KCNJ6: variants seen among roughly 807,000 people sequenced by gnomAD.
KCNJ6 encodes potassium inwardly rectifying channel subfamily J member 6.
A neutral mutation model predicts 34.2 loss-of-function variants in KCNJ6; 9 were observed. That is an observed-to-expected ratio of 0.26 (90% CI 0.16 to 0.46). KCNJ6 has a LOEUF of 0.46. Ranked by LOEUF, KCNJ6 falls within the 20% of genes least tolerant of loss-of-function variation. The pLI is 1.00. For synonymous variants in KCNJ6, 196 were observed against 207.1 expected (o/e 0.95, Z 0.46); for missense variants, 236 against 531.3 (o/e 0.44, Z 5.46).
At chr21:37,719,945 C>T (rs764001977) in intron 2 of KCNJ6, among the ~76,000 whole-genome samples, 87 of 152,138 alleles carry the variant, frequency 5.7e-4, no homozygotes, top group Non-Finnish European at 1.1e-3. Context: ...GGTGAAACTT[C>T]CAGTATCCAA....
At chr21:37,830,903 G>C (rs897986177) in intron 2 of KCNJ6, among the ~76,000 whole-genome samples, 2 of 152,242 alleles carry the variant, frequency 1.3e-5, no homozygotes, top group Non-Finnish European at 2.9e-5. Flanking sequence ...GATATGGCAA[G>C]GGAGGGAATT....
At chr21:37,862,580 T>C (rs538226366) in intron 1 of KCNJ6, among the ~76,000 whole-genome samples, 1 of 152,344 alleles carries the variant, frequency 6.6e-6, no homozygotes, top group Admixed American at 6.5e-5. Context: ...CTTGCTTCTA[T>C]CTGGGCAGCC....
rs974959212 is a variant in KCNJ6, at chr21:37,761,359, AGT to A, written c.26-46230_26-46229del. ...GTGTGTATATTTGTGTGTTGTATGT[AGT>A]GTGTGTGTATATTTGTGTGTGTTGT... is the stretch of plus-strand genomic sequence containing the variant. On this transcript the variant is annotated intron_variant, in intron 2 of 3. Transcript: ENST00000609713. 1.2e-4 allele frequency among the ~76,000 whole-genome samples: 17 copies of A among 143,416 alleles called. No individual in the cohort carries two copies. The South Asian group carries it at 1.6e-3, about 13-fold the overall frequency. 94.1% of individuals were successfully genotyped at this position (143,416 alleles called of 152,430 possible). A position where few individuals can be genotyped will look rare whatever the true frequency, so the allele number is the denominator to read the frequency against.
intron 3 of KCNJ6, among the ~76,000 whole-genome samples, chr21:37,638,266 C>T (rs2054366557): frequency 6.6e-6 from 1 of 152,184 alleles, no homozygotes; most frequent in African/African-American, 2.4e-5. Context: ...CCTGCCTCAG[C>T]CTCCCAAGTA....
chr21:37,651,203 A>T (rs1262125616), intron 3 of KCNJ6, among the ~76,000 whole-genome samples: 1 of 152,206 alleles, frequency 6.6e-6, no homozygotes, highest in Non-Finnish European at 1.5e-5. Flanking sequence ...GGGTGGACAG[A>T]GAAGGGTATC....
Position 37,829,740 on chromosome 21 carries a change from C to A in KCNJ6, c.25+10918G>T, listed in dbSNP as rs559347207. 2.2e-3 allele frequency among the ~76,000 whole-genome samples: 329 copies of A among 152,262 alleles called. 3 individuals carry two copies. The highest frequency in any genetic ancestry group is 2.4e-3 in the Non-Finnish European group (163 of 68,020). On this transcript the variant is annotated intron_variant, in intron 2 of 3. Transcript: ENST00000609713. Reference sequence around the variant, plus strand: ...AGGCCAAAGTCCCTGTGAACCCATGCGAGAGAGGAAGACACTGGAGTGAAA... The same window carrying A: ...AGGCCAAAGTCCCTGTGAACCCATGAGAGAGAGGAAGACACTGGAGTGAAA...
chr21:37,885,062 G>C (rs919397346), intron 1 of KCNJ6, among the ~76,000 whole-genome samples: 6 of 152,198 alleles, frequency 3.9e-5, no homozygotes, highest in African/African-American at 1.4e-4. Flanking sequence ...ATGGTTCCCT[G>C]TGTTGGGATC....
chr21:37,672,771 T>C (rs1417039301), intron 3 of KCNJ6, among the ~76,000 whole-genome samples: 3 of 152,102 alleles, frequency 2.0e-5, no homozygotes, highest in African/African-American at 7.2e-5. Flanking sequence ...TTTCTCTTTC[T>C]TTCTTCTCTC....
intron 1 of KCNJ6, among the ~76,000 whole-genome samples, chr21:37,875,700 A>G (rs901335267): frequency 6.6e-6 from 1 of 152,182 alleles, no homozygotes; most frequent in African/African-American, 2.4e-5. Context: ...GGTAGAAGGA[A>G]AACCATGGCC....
At chr21:37,854,214 G>T (rs754283923) in intron 1 of KCNJ6, among the ~76,000 whole-genome samples, 2 of 151,276 alleles carry the variant, frequency 1.3e-5, no homozygotes, top group African/African-American at 2.4e-5. Context: ...TAATGGTATG[G>T]GTAGATTGAA....
At chr21:37,878,142 T>C (rs2055688283) in intron 1 of KCNJ6, among the ~76,000 whole-genome samples, 1 of 152,168 alleles carries the variant, frequency 6.6e-6, no homozygotes, top group South Asian at 2.1e-4. Flanking sequence ...AACCAAGGTT[T>C]GAGGGAGAAA....
At chr21:37,817,939 G>A (rs2055354384) in intron 2 of KCNJ6, among the ~76,000 whole-genome samples, 1 of 152,090 alleles carries the variant, frequency 6.6e-6, no homozygotes, top group African/African-American at 2.4e-5. Context: ...GGTGTCATTC[G>A]CACTAGACAA....
chr21:37,792,871 C>G (rs2055223357), intron 2 of KCNJ6, among the ~76,000 whole-genome samples: 1 of 152,200 alleles, frequency 6.6e-6, no homozygotes, highest in African/African-American at 2.4e-5. Context: ...CGTGTACATT[C>G]TGTTGGTTCC....
chr21:37,846,640 A>C (rs996262523), intron 1 of KCNJ6, among the ~76,000 whole-genome samples: 1 of 152,042 alleles, frequency 6.6e-6, no homozygotes, highest in South Asian at 2.1e-4. Context: ...AACCGGTTAT[A>C]TTTGCATCTC....
At chr21:37,791,526 G>T (rs2055216934) in intron 2 of KCNJ6, among the ~76,000 whole-genome samples, 1 of 152,206 alleles carries the variant, frequency 6.6e-6, no homozygotes, top group African/African-American at 2.4e-5. Context: ...GGCAGCCTGG[G>T]TCAGCAATAT....
chr21:37,791,394 T>C (rs1035287939), intron 2 of KCNJ6, among the ~76,000 whole-genome samples: 1 of 152,194 alleles, frequency 6.6e-6, no homozygotes, highest in East Asian at 1.9e-4. Flanking sequence ...GTTCTTGTGG[T>C]CCATGCAGGG....
At chr21:37,770,277 T>C (rs759556830) in intron 2 of KCNJ6, among the ~76,000 whole-genome samples, 15 of 152,152 alleles carry the variant, frequency 9.9e-5, no homozygotes, top group Non-Finnish European at 1.9e-4. Flanking sequence ...GCCATTTCTA[T>C]ACTCAAGTCA....
intron 3 of KCNJ6, among the ~76,000 whole-genome samples, chr21:37,669,835 G>A (rs146436631): frequency 1.1e-3 from 174 of 152,292 alleles, no homozygotes; most frequent in African/African-American, 3.9e-3. Context: ...TCACTTTCAT[G>A]ATAATGTATT....
chr21:37,819,646 T>C (rs1431382602), intron 2 of KCNJ6, among the ~76,000 whole-genome samples: 1 of 152,216 alleles, frequency 6.6e-6, no homozygotes, highest in Non-Finnish European at 1.5e-5. Context: ...TTTACCTACA[T>C]TGTTTTGTAA....
Sources: allele counts gnomAD v4.1 joint callset (sites outside exome capture counted in the v4.1 genomes callset), GRCh38; gene constraint gnomAD v4.1.1; transcripts MANE v1.5; gene names NCBI Gene and HGNC (gene_info 2026-07-23, HGNC 2026-07-21).